The following PTPRD variants were observed in gnomAD, a reference collection of about 807,000 sequenced individuals.
PTPRD encodes receptor-type tyrosine-protein phosphatase delta.
PTPRD carries 34 observed loss-of-function variants against 214.5 expected under a neutral mutation model. That is an observed-to-expected ratio of 0.16 (90% CI 0.12 to 0.21). PTPRD has a LOEUF of 0.21. Ranked by LOEUF, PTPRD falls within the 10% of genes least tolerant of loss-of-function variation. The pLI, the probability that PTPRD is intolerant of heterozygous loss-of-function variation, is 1.00. For missense variants in PTPRD, 2,545 were observed against 2,398.7 expected (o/e 1.06, Z -1.27); for synonymous variants, 1,128 against 845.7 (o/e 1.33, Z -5.79).
At chr9:10,606,265 T>G in intron 2 of PTPRD, among the ~76,000 whole-genome samples, 1 of 151,812 alleles carries the variant, frequency 6.6e-6, no homozygotes, top group East Asian at 1.9e-4. Context: ...ACCATTTGGG[T>G]GAAGAATAAG....
chr9:8,828,538 G>A (rs1304282489), intron 11 of PTPRD, among the ~76,000 whole-genome samples: 1 of 152,084 alleles, frequency 6.6e-6, no homozygotes, highest in East Asian at 1.9e-4. Flanking sequence ...ACCCTATCTA[G>A]GATATTTTGT....
rs941614240 is a variant in PTPRD at position 8,317,685 on chromosome 9, A to G, written c.*189T>C. 2.1e-6 allele frequency: 1 copy of G among 476,454 alleles called. No individual in the cohort carries two copies. The highest frequency in any genetic ancestry group is 1.9e-5 in the African/African-American group (1 of 52,178). 29.5% of individuals were successfully genotyped at this position (476,454 alleles called of 1,614,324 possible). On this transcript the variant is annotated 3_prime_UTR_variant, in exon 46 of 46. Coordinates refer to ENST00000381196, the MANE Select transcript of PTPRD (RefSeq NM_002839.4). The stretch of plus-strand genomic sequence containing the variant: ...TTCTCTTCATTATTTTTCAGGTTAG[A>G]TTATTAAACTGTGAATTCTTGGTCC...
chr9:9,978,000 C>A (rs974219911), intron 4 of PTPRD, among the ~76,000 whole-genome samples: 1 of 151,720 alleles, frequency 6.6e-6, no homozygotes, highest in African/African-American at 2.4e-5. Context: ...TGCTTCCAAT[C>A]AAACAATGAA....
intron 3 of PTPRD, among the ~76,000 whole-genome samples, chr9:10,184,787 G>A (rs2099321307): frequency 6.6e-6 from 1 of 152,140 alleles, no homozygotes; most frequent in African/African-American, 2.4e-5. Context: ...TAAATGCGAG[G>A]TTTCCTGAGG....
intron 9 of PTPRD, among the ~76,000 whole-genome samples, chr9:9,337,163 G>A (rs1313524813): frequency 6.6e-6 from 1 of 152,156 alleles, no homozygotes; most frequent in African/African-American, 2.4e-5. Flanking sequence ...AAGAAACTAT[G>A]AAGTAAATCA....
intron 7 of PTPRD, among the ~76,000 whole-genome samples, chr9:9,702,874 T>C (rs1332188240): frequency 1.3e-5 from 2 of 152,208 alleles, no homozygotes; most frequent in Non-Finnish European, 1.5e-5. Flanking sequence ...TTAACATTTC[T>C]GACTCTATTT....
chr9:10,285,811 G>A (rs545282812), intron 3 of PTPRD, among the ~76,000 whole-genome samples: 4 of 151,780 alleles, frequency 2.6e-5, no homozygotes, highest in South Asian at 4.2e-4. Flanking sequence ...CGGTTTCACC[G>A]TGTTAGCCAG....
intron 3 of PTPRD, among the ~76,000 whole-genome samples, chr9:10,035,081 G>A (rs538879596): frequency 5.3e-5 from 8 of 152,192 alleles, no homozygotes; most frequent in South Asian, 4.1e-4. Context: ...CAGTGTATAA[G>A]CATTCCTTTT....
chr9:8,370,770 C>G (rs1182427519), intron 39 of PTPRD, among the ~76,000 whole-genome samples: 3 of 152,064 alleles, frequency 2.0e-5, no homozygotes, highest in African/African-American at 7.2e-5. Flanking sequence ...TAAAAACCAT[C>G]ATGGGACCTA....
At chr9:8,389,080 TTTAA>T (rs1387341826) in intron 37 of PTPRD, 148 bp downstream of exon 37, 2 of 525,162 alleles carry the variant, frequency 3.8e-6, no homozygotes, top group South Asian at 4.8e-5. Context: ...TAAAGAATGG[TTTAA>T]TTAGAGTTGT....
chr9:10,405,825 A>C (rs1190656002), intron 2 of PTPRD, among the ~76,000 whole-genome samples: 1 of 151,540 alleles, frequency 6.6e-6, no homozygotes, highest in African/African-American at 2.4e-5. Flanking sequence ...ATAGGCATCA[A>C]GATTTTATTA....
chr9:8,540,065 G>A (rs548597319), intron 14 of PTPRD, among the ~76,000 whole-genome samples: 8 of 152,102 alleles, frequency 5.3e-5, no homozygotes, highest in African/African-American at 1.4e-4. Flanking sequence ...GCATCATGTC[G>A]GCAATTAACT....
intron 2 of PTPRD, among the ~76,000 whole-genome samples, chr9:10,368,061 G>C (rs1168466394): frequency 2.0e-5 from 3 of 152,026 alleles, no homozygotes; most frequent in Admixed American, 6.6e-5. Context: ...GCTATAGCAG[G>C]TGTTTTCAAC....
At chr9:8,784,777 CA>C (rs1456246046) in intron 11 of PTPRD, among the ~76,000 whole-genome samples, 1 of 152,136 alleles carries the variant, frequency 6.6e-6, no homozygotes, top group African/African-American at 2.4e-5. Flanking sequence ...CTCTCCATAC[CA>C]AAAATGTCTG....
At chr9:10,471,160 G>A (rs2099028617) in intron 2 of PTPRD, among the ~76,000 whole-genome samples, 1 of 45,162 alleles carries the variant, frequency 2.2e-5, no homozygotes, top group Non-Finnish European at 5.0e-5. Context: ...TGGGGGCTAG[G>A]GGAAGGACAC....
chr9:9,570,794 A>T (rs137872699), intron 8 of PTPRD, among the ~76,000 whole-genome samples: 1 of 151,654 alleles, frequency 6.6e-6, no homozygotes, highest in African/African-American at 2.4e-5. Context: ...AAGCAGAAAG[A>T]AAAAAACAGG....
intron 3 of PTPRD, among the ~76,000 whole-genome samples, chr9:10,258,513 G>A (rs967513531): frequency 2.6e-5 from 4 of 152,158 alleles, no homozygotes; most frequent in Non-Finnish European, 5.9e-5. Flanking sequence ...GTAAGCAATT[G>A]AGGTATTTTT....
chr9:8,622,489 A>G (rs963954999), intron 14 of PTPRD, among the ~76,000 whole-genome samples: 14 of 152,116 alleles, frequency 9.2e-5, no homozygotes, highest in African/African-American at 3.4e-4. Flanking sequence ...TCTTCTAAAA[A>G]TAGACTTTAT....
At chr9:9,146,901 T>G (rs1254676305) in intron 10 of PTPRD, among the ~76,000 whole-genome samples, 4 of 152,120 alleles carry the variant, frequency 2.6e-5, no homozygotes, top group Non-Finnish European at 5.9e-5. Flanking sequence ...CAACAATAAC[T>G]AAACACACGT....
Sources: gnomAD v4.1 joint callset for allele counts (sites outside exome capture counted in the v4.1 genomes callset) on GRCh38, gnomAD v4.1.1 for gene constraint, MANE v1.5 for transcripts, NCBI Gene and HGNC (gene_info 2026-07-23, HGNC 2026-07-21) for gene names.